ARHGAP6: variants seen among roughly 807,000 people sequenced by gnomAD.
ARHGAP6 encodes rho GTPase-activating protein 6.
Under a neutral mutation model 55.7 loss-of-function variants are expected in ARHGAP6, and 16 were observed. The observed-to-expected ratio is 0.29, with a 90% confidence interval of 0.19 to 0.44. The LOEUF (loss-of-function observed/expected upper bound fraction) is 0.44. Ranked by LOEUF, ARHGAP6 falls within the 20% of genes least tolerant of loss-of-function variation. The pLI, the probability that ARHGAP6 is intolerant of heterozygous loss-of-function variation, is 1.00. For missense variants in ARHGAP6, 698 were observed against 808.9 expected (o/e 0.86, Z 1.66); for synonymous variants, 382 against 360.9 (o/e 1.06, Z -0.66).
At chrX:11,559,929 AAATAATAATAATAAT>A (rs755756728) in intron 1 of ARHGAP6, among the ~76,000 whole-genome samples, 2 of 96,165 alleles carry the variant, frequency 2.1e-5, no homozygotes, top group Non-Finnish European at 4.1e-5. Flanking sequence ...CTCGGTCTCA[AAATAATAATAATAAT>A]AATAATAATA....
At chrX:11,594,571 T>C (rs2051878577) in intron 1 of ARHGAP6, among the ~76,000 whole-genome samples, 1 of 110,960 alleles carries the variant, frequency 9.0e-6, no homozygotes, top group Admixed American at 9.6e-5. Flanking sequence ...CTCTGCCTTC[T>C]ATCAGATCAG....
At chrX:11,315,408 C>T (rs1028287591) in intron 1 of ARHGAP6, among the ~76,000 whole-genome samples, 1 of 112,144 alleles carries the variant, frequency 8.9e-6, no homozygotes, top group Non-Finnish European at 1.9e-5. Context: ...ACTGATCTGA[C>T]GGGCGGCGGA....
intron 9 of ARHGAP6, 56 bp downstream of exon 9, chrX:11,169,449 C>CT (rs1365255190): frequency 2.7e-6 from 3 of 1,096,795 alleles, no homozygotes; most frequent in Non-Finnish European, 3.6e-6. Flanking sequence ...ATCCTGCCTC[C>CT]AGAGGAAACC....
intron 1 of ARHGAP6, among the ~76,000 whole-genome samples, chrX:11,596,642 C>T (rs1306665309): frequency 9.0e-6 from 1 of 111,519 alleles, no homozygotes; most frequent in Non-Finnish European, 1.9e-5. Flanking sequence ...GTCCAACTTG[C>T]CCCAAATTCT....
chrX:11,428,734 A>T (rs1317714786), intron 1 of ARHGAP6, among the ~76,000 whole-genome samples: 1 of 111,896 alleles, frequency 8.9e-6, no homozygotes, highest in Non-Finnish European at 1.9e-5. Flanking sequence ...GGAAAGTTGG[A>T]TGTGGCCCCG....
intron 7 of ARHGAP6, 77 bp downstream of exon 7, chrX:11,179,225 T>A (rs2046278660): frequency 5.2e-6 from 5 of 959,006 alleles, no homozygotes; most frequent in Non-Finnish European, 7.0e-6. Context: ...AGGAAACATA[T>A]GCATAAAGTT....
chrX:11,139,368 G>A lies in ARHGAP6; in HGVS notation c.2420C>T (p.Thr807Met), dbSNP rs765653739. Residue 807 changes from threonine to methionine, a missense_variant, in exon 13 of 13, where the codon ACG becomes ATG. By Grantham distance (81) the Thr-to-Met change is moderately conservative (BLOSUM62 -1). Around this residue, in one of 3 missense-constraint regions of ARHGAP6, gnomAD observed 212 missense variants for 208.7 expected, o/e 1.02. Transcript: ENST00000337414. ...CACCGCAGGGTGGGCCCTGCCCTCC[G>A]TCGCGGGGGCTGCGGCCTGAGTCCT... Reference protein sequence around the residue: ...ARRTQAAAPATEGRAHPAVSR... With the variant: ...ARRTQAAAPAMEGRAHPAVSR... The A allele has an allele frequency of 4.2e-6, 5 of 1,178,446 alleles. No individual in the cohort carries two copies. The highest frequency in any genetic ancestry group is 5.7e-6 in the Non-Finnish European group (5 of 880,888).
intron 1 of ARHGAP6, among the ~76,000 whole-genome samples, chrX:11,445,553 G>A (rs1389739699): frequency 8.9e-6 from 1 of 112,106 alleles, no homozygotes; most frequent in East Asian, 2.8e-4. Context: ...GTCAAGAGAA[G>A]CCTAGGGCAG....
intron 1 of ARHGAP6, among the ~76,000 whole-genome samples, chrX:11,385,567 G>A (rs965077971): frequency 8.9e-6 from 1 of 111,941 alleles, no homozygotes; most frequent in Non-Finnish European, 1.9e-5. Flanking sequence ...TCTTTGAGGT[G>A]TTTGAATTGT....
At chrX:11,644,842 T>C (rs938447686) in intron 1 of ARHGAP6, among the ~76,000 whole-genome samples, 1 of 111,610 alleles carries the variant, frequency 9.0e-6, no homozygotes, top group African/African-American at 3.3e-5. Flanking sequence ...ACTCCTGGAA[T>C]TTACTCTAGA....
intron 10 of ARHGAP6, among the ~76,000 whole-genome samples, chrX:11,149,365 C>T (rs1022999818): frequency 9.0e-6 from 1 of 110,876 alleles, no homozygotes; most frequent in Non-Finnish European, 1.9e-5. Flanking sequence ...CATATATGCA[C>T]ACATTTTAGA....
intron 1 of ARHGAP6, among the ~76,000 whole-genome samples, chrX:11,291,611 A>G (rs1435594266): frequency 1.8e-5 from 2 of 110,958 alleles, no homozygotes; most frequent in African/African-American, 6.6e-5. Flanking sequence ...AAAGTGAATA[A>G]AATGTGATCC....
chrX:11,649,991 CTTTTTT>C (rs201517374), intron 1 of ARHGAP6, among the ~76,000 whole-genome samples: 2 of 88,112 alleles, frequency 2.3e-5, no homozygotes, highest in African/African-American at 4.2e-5. Flanking sequence ...ACTTTCTTTT[CTTTTTT>C]TTTTTTTTTT....
At chrX:11,299,115 T>C in intron 1 of ARHGAP6, 1 of 790,736 alleles carries the variant, frequency 1.3e-6, no homozygotes. Context: ...GTCCAAGCAA[T>C]ATGCTATACC....
intron 9 of ARHGAP6, 50 bp from the exon 10 acceptor site, chrX:11,156,676 C>A (rs1382076694): frequency 1.0e-6 from 1 of 959,538 alleles, no homozygotes; most frequent in Admixed American, 2.4e-5. Flanking sequence ...CAGAAACAGG[C>A]AACATATGGT....
At chrX:11,448,176 C>T (rs944416936) in intron 1 of ARHGAP6, among the ~76,000 whole-genome samples, 1 of 112,487 alleles carries the variant, frequency 8.9e-6, no homozygotes, top group Non-Finnish European at 1.9e-5. Flanking sequence ...GAAATCTTAA[C>T]CTCAAATATT....
chrX:11,613,458 T>C (rs1274667223), intron 1 of ARHGAP6, among the ~76,000 whole-genome samples: 1 of 112,286 alleles, frequency 8.9e-6, no homozygotes, highest in Non-Finnish European at 1.9e-5. Flanking sequence ...GCTCCATCTC[T>C]ACTTTTGAGA....
At chrX:11,292,988 A>G (rs1019419423) in intron 1 of ARHGAP6, among the ~76,000 whole-genome samples, 1 of 112,286 alleles carries the variant, frequency 8.9e-6, no homozygotes, top group African/African-American at 3.2e-5. Flanking sequence ...GGGAATTTGA[A>G]TCAATTTCTC....
intron 1 of ARHGAP6, among the ~76,000 whole-genome samples, chrX:11,505,543 T>C (rs751052533): frequency 4.8e-4 from 53 of 111,171 alleles, no homozygotes; most frequent in Non-Finnish European, 9.0e-4. Flanking sequence ...GAAATCCTAT[T>C]ACTGTGTATA....
Sources: gnomAD v4.1 joint callset for allele counts (sites outside exome capture counted in the v4.1 genomes callset) on GRCh38, gnomAD v4.1.1 for gene constraint, gnomAD v4.1.1 regional missense constraint, MANE v1.5 for transcripts, NCBI Gene and HGNC (gene_info 2026-07-23, HGNC 2026-07-21) for gene names.